UBR4: variants seen among roughly 807,000 people sequenced by gnomAD.
The protein encoded by UBR4 is ubiquitin protein ligase E3 component n-recognin 4.
In UBR4, 124 loss-of-function variants were observed where a neutral mutation model predicts 575.6. The observed-to-expected ratio is 0.22, with a 90% CI of 0.19 to 0.25. The LOEUF is 0.25. Ranked by LOEUF, UBR4 falls within the 10% of genes least tolerant of loss-of-function variation. The pLI is 1.00. For synonymous variants in UBR4, 2,455 were observed against 2,473.7 expected (o/e 0.99, Z 0.22); for missense variants, 4,818 against 6,478.8 (o/e 0.74, Z 8.80).
At chr1:19,169,026 C>T (rs1485761079) in intron 27 of UBR4, among the ~76,000 whole-genome samples, 2 of 149,016 alleles carry the variant, frequency 1.3e-5, no homozygotes, top group African/African-American at 2.5e-5. Flanking sequence ...CCTAGAGAAG[C>T]TAAAAGCGAC....
chr1:19,194,869 T>C (rs1270493870), intron 8 of UBR4, among the ~76,000 whole-genome samples: 2 of 151,958 alleles, frequency 1.3e-5, no homozygotes, highest in African/African-American at 4.8e-5. Flanking sequence ...CACAGTCGAC[T>C]CCAGAGGCTG....
chr1:19,101,625 G>C lies in UBR4; in HGVS notation c.12918C>G (p.Thr4306=), dbSNP rs750235410. The part of the protein sequence containing the change: ...EDMTTGTESE[T]KAFMAVCIET... The stretch of plus-strand genomic sequence containing the variant: ...CAATGCACACAGCCATGAAGGCCTT[G>C]GTTTCTGATTCTGTACCTGCCAGAA... The change falls in exon 88 of 106, where the codon ACC becomes ACG. Residue 4306 remains threonine (T), a synonymous_variant. Coordinates refer to ENST00000375254, the MANE Select transcript of UBR4 (RefSeq NM_020765.3). The C allele has an allele frequency of 1.9e-6, 3 of 1,609,508 alleles. No individual in the cohort carries two copies. The highest frequency in any genetic ancestry group is 2.2e-5 in the South Asian group (2 of 90,976).
At position 19,153,200 on chromosome 1, in the gene UBR4, G is replaced by A; in HGVS notation, c.6832+101C>T. Reference sequence around the variant, plus strand: ...CTTTACAAAATGTGCAAGTAGGACAGTCACATTTCTTCACAGATATTTTCA... The same window carrying A: ...CTTTACAAAATGTGCAAGTAGGACAATCACATTTCTTCACAGATATTTTCA... On this transcript the variant is annotated intron_variant, in intron 46 of 105. Transcript: ENST00000375254. The surrounding 1 kb of genome is among the most constrained non-coding windows in gnomAD (Gnocchi z 4.1). 1 of 1,320,260 alleles carries A rather than the reference G, an allele frequency of 7.6e-7. No individual in the cohort carries two copies. The highest frequency in any genetic ancestry group is 2.3e-5 in the East Asian group (1 of 42,974). The allele number at this position is 1,320,260 out of a possible 1,614,324, so 81.8% of individuals were successfully genotyped here.
chr1:19,165,816 T>C (rs2150690823), intron 29 of UBR4, 59 bp from the exon 30 acceptor site: 1 of 1,389,682 alleles, frequency 7.2e-7, no homozygotes, highest in South Asian at 1.3e-5. Context: ...ATGTCCTCCT[T>C]ATGGTGATTT....
At position 19,208,714 on chromosome 1, in the gene UBR4, C is replaced by T. The variant is rs367647038; in HGVS notation, c.176+1359G>A. On this transcript the variant is annotated intron_variant, in intron 1 of 105. Coordinates refer to ENST00000375254, the MANE Select transcript of UBR4 (RefSeq NM_020765.3). ...AAGTATTACAGCTTTAAAGGTGGCC[C>T]CAGAATACAGGATTTATGGAAGGGT... 1.5e-4 allele frequency among the ~76,000 whole-genome samples: 23 copies of T among 152,032 alleles called. No individual in the cohort carries two copies. The East Asian group carries it at 2.3e-3, about 15-fold the overall frequency.
chr1:19,113,888 A>ATCTTGG (rs1317251859), intron 76 of UBR4, 57 bp downstream of exon 76: 1 of 1,614,048 alleles, frequency 6.2e-7, no homozygotes, highest in Non-Finnish European at 8.5e-7. Context: ...CCTAGGAGGC[A>ATCTTGG]GTCTTCTGAT....
chr1:19,153,958 G>A lies in UBR4; in HGVS notation c.6459-19C>T. On this transcript the variant is annotated intron_variant, in intron 44 of 105. Coordinates refer to ENST00000375254, the MANE Select transcript of UBR4 (RefSeq NM_020765.3). The surrounding 1 kb of genome is among the most constrained non-coding windows in gnomAD (Gnocchi z 4.1). The stretch of plus-strand genomic sequence containing the variant: ...ATTGGAACTGCAGACAACAAAACTG[G>A]CCACAGTTAGAGTGTCAGTCACCAT... The A allele has an allele frequency of 6.2e-7, 1 of 1,610,576 alleles. No individual in the cohort carries two copies.
intron 54 of UBR4, among the ~76,000 whole-genome samples, 188 bp downstream of exon 54, chr1:19,144,598 G>A (rs1462991191): frequency 6.6e-6 from 1 of 152,212 alleles, no homozygotes; most frequent in African/African-American, 2.4e-5. Context: ...AAGAAAGACT[G>A]AGCCCATCCC....
In UBR4 at chr1:19,164,287, G is replaced by C. The variant is rs1188589063; in HGVS notation, c.4666C>G (p.Leu1556Val). ...SAGQGAGHLQLHNAAVDWLSR... is the reference protein window; with the variant it reads ...SAGQGAGHLQVHNAAVDWLSR... The stretch of plus-strand genomic sequence containing the variant: ...AGCCAATCCACAGCAGCATTATGAA[G>C]CTGAAGGTGACCAGCACCTTGACCT... The change falls in exon 33 of 106, where the codon CTT (leucine) becomes GTT (valine). Residue 1556 changes from leucine (L) to valine (V), a missense_variant. Leu to Val is a conservative substitution (Grantham distance 32). Around this residue, in one of 29 missense-constraint regions of UBR4, gnomAD observed 1,172 missense variants for 1,259.7 expected, o/e 0.93. Coordinates refer to ENST00000375254, the MANE Select transcript of UBR4 (RefSeq NM_020765.3). 6.2e-7 allele frequency: 1 copy of C among 1,614,134 alleles called. No individual in the cohort carries two copies. The highest frequency in any genetic ancestry group is 1.7e-5 in the Admixed American group (1 of 60,016).
Position 19,094,816 on chromosome 1 carries a change from G to C in UBR4, c.13746+90C>G. 1.9e-6 allele frequency: 3 copies of C among 1,541,954 alleles called. No homozygotes were observed. The East Asian group carries it at 6.8e-5, about 35-fold the overall frequency. ...AAGCAGGCTCCGCCATTCTCAGGTG[G>C]GCTAAGCCAGACACAAACAGGCCTG... On this transcript the variant is annotated intron_variant, in intron 94 of 105. Coordinates refer to ENST00000375254, the MANE Select transcript of UBR4 (RefSeq NM_020765.3).
intron 20 of UBR4, among the ~76,000 whole-genome samples, chr1:19,175,243 C>T (rs1174987937): frequency 1.3e-5 from 2 of 152,144 alleles, no homozygotes; most frequent in African/African-American, 2.4e-5. Flanking sequence ...CCCTGAATGC[C>T]AGTAGCACCC....
Position 19,122,934 on chromosome 1 carries a change from C to A in UBR4, c.9715G>T (p.Gly3239Trp). 6.2e-7 allele frequency: 1 copy of A among 1,614,212 alleles called. No homozygotes were observed. The highest frequency in any genetic ancestry group is 8.5e-7 in the Non-Finnish European group (1 of 1,180,040). Residue 3239 changes from glycine (G) to tryptophan (W), a missense_variant, in exon 66 of 106, where the codon GGG becomes TGG. This residue lies in a region of UBR4 where 550 missense variants were observed against 791.5 expected (regional missense o/e 0.69). Coordinates refer to ENST00000375254, the MANE Select transcript of UBR4 (RefSeq NM_020765.3). ...DLHTLDSHVRGIKKLLEEQGI... is the reference protein window; with the variant it reads ...DLHTLDSHVRWIKKLLEEQGI... ...TGCTCTTCTAGCAGCTTCTTGATCC[C>A]ACGCACGTGAGAGTCCAGGGTGTGC...
At chr1:19,103,986 T>TC in intron 87 of UBR4, 98 bp downstream of exon 87, 1 of 1,419,050 alleles carries the variant, frequency 7.0e-7, no homozygotes, top group Middle Eastern at 2.6e-4. Flanking sequence ...TTGCCACCCC[T>TC]CCTCTGGATC....
chr1:19,184,254 A>G (rs2091307039), intron 15 of UBR4, 79 bp from the exon 16 acceptor site: 2 of 1,452,984 alleles, frequency 1.4e-6, no homozygotes, highest in Non-Finnish European at 9.3e-7. Flanking sequence ...ACAAATAGAA[A>G]ATAAAATATG....
At chr1:19,169,116 C>T (rs958660649) in intron 27 of UBR4, among the ~76,000 whole-genome samples, 5 of 152,152 alleles carry the variant, frequency 3.3e-5, no homozygotes, top group African/African-American at 4.8e-5. Flanking sequence ...ATTGGGAATT[C>T]GTGTGCCAGG....
At position 19,140,842 on chromosome 1, in the gene UBR4, C is replaced by T. The variant is rs772848355; in HGVS notation, c.8539G>A (p.Ala2847Thr). Residue 2847 changes from alanine (A) to threonine (T), a missense_variant, in exon 58 of 106, where the codon GCA (alanine) becomes ACA (threonine). Ala to Thr is a moderately conservative substitution (Grantham distance 58). Transcript: ENST00000375254. ...GCGTCCAGAGAGGAAGAGCTGGGTG[C>T]CTGGCCGGACAGTCCCAGGCTCTGC... The part of the protein sequence containing the change: ...GLQSLGLSGQ[A>T]PSSSSLDAGT... 6.2e-7 allele frequency: 1 copy of T among 1,612,960 alleles called. No homozygotes were observed. Among genetic ancestry groups the T allele is most frequent in the East Asian group, 2.2e-5 (1 of 44,870 alleles).
In UBR4 at chr1:19,141,788, G is replaced by A; in HGVS notation, c.8180-11C>T. The A allele has an allele frequency of 2.5e-6, 4 of 1,613,576 alleles. No homozygotes were observed. The highest frequency in any genetic ancestry group is 3.4e-6 in the Non-Finnish European group (4 of 1,179,730). ...CATCATCCTTGTCTCCTGAGTCAAA[G>A]AAACCCCAGTCACCTGAAGGTGCTT... is the stretch of plus-strand genomic sequence containing the variant. On this transcript the variant is annotated splice_polypyrimidine_tract_variant and intron_variant, in intron 55 of 105. Coordinates refer to ENST00000375254, the MANE Select transcript of UBR4 (RefSeq NM_020765.3).
rs775088923 is a variant in UBR4, at chr1:19,121,951, A to C, written c.9878T>G (p.Phe3293Cys). 25 of 1,614,178 alleles carry C rather than the reference A, an allele frequency of 1.5e-5. No individual in the cohort carries two copies. Among genetic ancestry groups the C allele is most frequent in the Non-Finnish European group, 2.0e-5 (24 of 1,180,010 alleles). Reference sequence around the variant, plus strand: ...TTGCTTACAGTCATCTTTGATGCAGAATTTCTGCCAGTTGATGGTTCGCTG... The same window carrying C: ...TTGCTTACAGTCATCTTTGATGCAGCATTTCTGCCAGTTGATGGTTCGCTG... Reference protein sequence around the residue: ...AAQRTINWQKFCIKDDSVLYF... With the variant: ...AAQRTINWQKCCIKDDSVLYF... The change falls in exon 67 of 106, where the codon TTC becomes TGC. Residue 3293 changes from phenylalanine (F) to cysteine (C), a missense_variant. Transcript: ENST00000375254.
chr1:19,132,774 GA>G (rs1365257270), intron 60 of UBR4, among the ~76,000 whole-genome samples: 2 of 151,572 alleles, frequency 1.3e-5, no homozygotes, highest in African/African-American at 2.4e-5. Context: ...TGTCAGAAAT[GA>G]AAAAAAGCAA....
Sources: gnomAD v4.1 joint callset for allele counts (sites outside exome capture counted in the v4.1 genomes callset) on GRCh38, gnomAD v4.1.1 for gene constraint, gnomAD v4.1.1 regional missense constraint, Gnocchi (gnomAD v3.1) non-coding constraint, MANE v1.5 for transcripts, NCBI Gene and HGNC (gene_info 2026-07-23, HGNC 2026-07-21) for gene names.